PIGB: variants seen among roughly 807,000 people sequenced by gnomAD.
The protein encoded by PIGB is GPI alpha-1,2-mannosyltransferase 3.
Under a neutral mutation model 68.4 loss-of-function variants are expected in PIGB, and 58 were observed. That is an observed-to-expected ratio of 0.85 (90% CI 0.69 to 1.06). The LOEUF (loss-of-function observed/expected upper bound fraction) is 1.06. Ranked by LOEUF, PIGB falls within the 50% of genes least tolerant of loss-of-function variation. PIGB has a pLI of 0.00. For synonymous variants in PIGB, 219 were observed against 220.5 expected (o/e 0.99, Z 0.06); for missense variants, 634 against 655.8 (o/e 0.97, Z 0.36).
intron 10 of PIGB, chr15:55,354,562 T>C (rs1356541334): frequency 9.4e-6 from 4 of 426,636 alleles, no homozygotes; most frequent in Non-Finnish European, 1.6e-5. Context: ...AATGGACTTC[T>C]ATGCACTAGT....
At chr15:55,345,499 C>T (rs1248467337) in intron 9 of PIGB, among the ~76,000 whole-genome samples, 1 of 152,230 alleles carries the variant, frequency 6.6e-6, no homozygotes, top group African/African-American at 2.4e-5. Context: ...TGGCTGACGC[C>T]TGTAATCCTA....
At chr15:55,331,356 A>G (rs542159355) in intron 5 of PIGB, among the ~76,000 whole-genome samples, 1 of 152,286 alleles carries the variant, frequency 6.6e-6, no homozygotes, top group Admixed American at 6.5e-5. Flanking sequence ...TTTTCCTTGT[A>G]TAAGCATGAC....
At chr15:55,351,121 T>C (rs2055912314) in intron 10 of PIGB, among the ~76,000 whole-genome samples, 1 of 150,768 alleles carries the variant, frequency 6.6e-6, no homozygotes, top group Non-Finnish European at 1.5e-5. Flanking sequence ...TTTTTTTTTT[T>C]TTTTTGAGAC....
intron 10 of PIGB, among the ~76,000 whole-genome samples, chr15:55,351,199 C>T (rs945505692): frequency 6.6e-6 from 1 of 151,488 alleles, no homozygotes; most frequent in Non-Finnish European, 1.5e-5. Flanking sequence ...GCTCCGCCTC[C>T]CAGGTTCACG....
intron 1 of PIGB, chr15:55,319,965 A>G (rs1410094063): frequency 9.0e-6 from 2 of 222,854 alleles, no homozygotes; most frequent in Non-Finnish European, 1.8e-5. Flanking sequence ...TTAGATACAC[A>G]CATAGTATGA....
At chr15:55,333,415 G>T (rs2055464031) in intron 5 of PIGB, among the ~76,000 whole-genome samples, 1 of 152,016 alleles carries the variant, frequency 6.6e-6, no homozygotes, top group Non-Finnish European at 1.5e-5. Context: ...GGCCAACATG[G>T]TAAAACCCTG....
rs796166138 is a variant in PIGB at position 55,339,786 on chromosome 15, TCTTA to T, written c.846+473_846+476del. 1.1e-4 allele frequency among the ~76,000 whole-genome samples: 17 copies of T among 152,316 alleles called. 1 individual carries two copies. The highest frequency in any genetic ancestry group is 4.1e-4 in the African/African-American group (17 of 41,566). On this transcript the variant is annotated intron_variant, in intron 7 of 11. Transcript: ENST00000164305. ...GAATGGAAAGCCAAATATCATATGT[TCTTA>T]CTTATAAGTGGGAGCTAAGCTATGG...
rs2055374541 is a variant in PIGB, at chr15:55,329,855, G to A, written c.653+1G>A. 5 of 1,548,154 alleles carry A rather than the reference G, an allele frequency of 3.2e-6. No homozygotes were observed. Among genetic ancestry groups the A allele is most frequent in the South Asian group, 1.2e-5 (1 of 85,300 alleles). The stretch of plus-strand genomic sequence containing the variant: ...TGGAAGGTTCAAAGTCTATGAACAG[G>A]TAAGAAAAATTATTGTTAATAATTA... On this transcript the variant is annotated splice_donor_variant, in intron 5 of 11. Transcript: ENST00000164305. LOFTEE classifies it high-confidence loss of function.
intron 6 of PIGB, among the ~76,000 whole-genome samples, chr15:55,338,462 T>C (rs1035321237): frequency 4.6e-5 from 7 of 152,004 alleles, no homozygotes; most frequent in East Asian, 1.9e-4. Context: ...TTGGGTAATA[T>C]AGTGAGACCC....
chr15:55,325,210 C>T (rs1223567648), intron 3 of PIGB, among the ~76,000 whole-genome samples: 1 of 151,990 alleles, frequency 6.6e-6, no homozygotes, highest in Non-Finnish European at 1.5e-5. Context: ...CCTGTAATCC[C>T]AGCTACTTGG....
intron 1 of PIGB, 125 bp from the exon 2 acceptor site, chr15:55,320,150 T>TG: frequency 1.3e-6 from 1 of 740,812 alleles, no homozygotes. Context: ...TTAAGAATGG[T>TG]GTGGAGGGAC....
Position 55,350,498 on chromosome 15 carries a change from T to C in PIGB, c.1124-201T>C, listed in dbSNP as rs1233987284. On this transcript the variant is annotated intron_variant, in intron 9 of 11. Transcript: ENST00000164305. Reference sequence around the variant, plus strand: ...CCATCATCTTTCCACTATACCTCAATACCTTTTACTAGAAAAAGTCAAGAC... The same window carrying C: ...CCATCATCTTTCCACTATACCTCAACACCTTTTACTAGAAAAAGTCAAGAC... 2.9e-5 allele frequency: 17 copies of C among 578,846 alleles called. No individual in the cohort carries two copies. The Admixed American group carries it at 3.3e-4, about 11-fold the overall frequency. 35.9% of individuals were successfully genotyped at this position (578,846 alleles called of 1,614,324 possible).
intron 4 of PIGB, 110 bp downstream of exon 4, chr15:55,327,745 CT>C: frequency 1.4e-6 from 1 of 699,150 alleles, no homozygotes; most frequent in Non-Finnish European, 2.5e-6. Flanking sequence ...ATTCATACAA[CT>C]TTATAGAGGT....
At chr15:55,331,869 T>C (rs955828565) in intron 5 of PIGB, among the ~76,000 whole-genome samples, 6 of 152,128 alleles carry the variant, frequency 3.9e-5, no homozygotes, top group Non-Finnish European at 2.9e-5. Context: ...TGTATCAAAA[T>C]CTGGATTTCA....
At chr15:55,355,026 C>A in intron 11 of PIGB, 48 bp downstream of exon 11, 1 of 1,472,394 alleles carries the variant, frequency 6.8e-7, no homozygotes, top group Non-Finnish European at 9.3e-7. Context: ...AATTTTACCC[C>A]AGGTTTAGGA....
At chr15:55,340,942 T>G in intron 8 of PIGB, 119 bp downstream of exon 8, 1 of 643,454 alleles carries the variant, frequency 1.6e-6, no homozygotes, top group Non-Finnish European at 2.6e-6. Flanking sequence ...TAGTGGGAAT[T>G]ATCTTAGAAG....
intron 6 of PIGB, among the ~76,000 whole-genome samples, chr15:55,336,467 T>A (rs1371523249): frequency 6.6e-6 from 1 of 152,176 alleles, no homozygotes; most frequent in Non-Finnish European, 1.5e-5. Context: ...CATCACAGCT[T>A]AGCCTACCAT....
intron 10 of PIGB, among the ~76,000 whole-genome samples, chr15:55,354,311 A>C (rs80018167): frequency 4.4e-5 from 6 of 135,000 alleles, no homozygotes; most frequent in Non-Finnish European, 3.3e-5. Context: ...TCTTGTCTTC[A>C]AAAAAAAAAA....
At chr15:55,322,508 G>A (rs1288406520) in intron 3 of PIGB, among the ~76,000 whole-genome samples, 1 of 152,114 alleles carries the variant, frequency 6.6e-6, no homozygotes, top group Admixed American at 6.6e-5. Flanking sequence ...CTTTTAAGCT[G>A]TCATCAGATG....
Sources: gnomAD v4.1 joint callset for allele counts (sites outside exome capture counted in the v4.1 genomes callset) on GRCh38, gnomAD v4.1.1 for gene constraint, MANE v1.5 for transcripts, NCBI Gene and HGNC (gene_info 2026-07-23, HGNC 2026-07-21) for gene names.